The following FAM222A variants were observed in gnomAD, a reference collection of about 807,000 sequenced individuals.
FAM222A encodes family with sequence similarity 222 member A, also known as protein FAM222A.
In FAM222A, 7 loss-of-function variants were observed where a neutral mutation model predicts 25.8. That is an observed-to-expected ratio of 0.27 (90% CI 0.15 to 0.51). The LOEUF is 0.51. FAM222A is among the 20% of genes least tolerant of loss of function. The pLI is 0.97. For missense variants in FAM222A, 573 were observed against 640.5 expected (o/e 0.89, Z 1.14); for synonymous variants, 294 against 298.8 (o/e 0.98, Z 0.17).
At position 109,714,166 on chromosome 12, in the gene FAM222A, G is replaced by GC; in HGVS notation, c.-773dup. On this transcript the variant is annotated 5_prime_UTR_variant, in exon 1 of 3. Transcript: ENST00000538780. The surrounding 1 kb of genome is among the most constrained non-coding windows in gnomAD (Gnocchi z 4.2). ...GGATCGGCTGTTTCTCAGCGCCGAG[G>GC]CCCCCGAGGCTGCATCCGAGCTTGC... The GC allele has an allele frequency of 5.4e-6, 1 of 185,514 alleles. No homozygotes were observed. Among genetic ancestry groups the GC allele is most frequent in the Non-Finnish European group, 1.1e-5 (1 of 90,038 alleles). The allele number at this position is 185,514 out of a possible 1,614,324, so 11.5% of individuals were successfully genotyped here. A position where few individuals can be genotyped will look rare whatever the true frequency, so the allele number is the denominator to read the frequency against.
intron 1 of FAM222A, chr12:109,720,143 C>G (rs1887721140): frequency 6.1e-6 from 6 of 985,460 alleles, no homozygotes; most frequent in Non-Finnish European, 7.2e-6. Flanking sequence ...TGGGCCAGTC[C>G]TGGCCCCACA....
chr12:109,747,152 G>A (rs1234119506), intron 2 of FAM222A, among the ~76,000 whole-genome samples: 1 of 152,170 alleles, frequency 6.6e-6, no homozygotes, highest in Non-Finnish European at 1.5e-5. Context: ...GGAGTGCAGT[G>A]GCACGATCTT....
At chr12:109,750,804 G>A (rs1173027465) in intron 2 of FAM222A, among the ~76,000 whole-genome samples, 1 of 151,506 alleles carries the variant, frequency 6.6e-6, no homozygotes, top group Non-Finnish European at 1.5e-5. Context: ...CCTGGTTCAC[G>A]TTGTTTGCTT....
chr12:109,721,552 C>G (rs1401305783), intron 1 of FAM222A, among the ~76,000 whole-genome samples: 1 of 152,212 alleles, frequency 6.6e-6, no homozygotes, highest in Non-Finnish European at 1.5e-5. Flanking sequence ...GCCAATCAAT[C>G]AGCAGGGCCT....
chr12:109,761,104 T>C (rs1175438737), intron 2 of FAM222A, among the ~76,000 whole-genome samples: 1 of 152,004 alleles, frequency 6.6e-6, no homozygotes, highest in Non-Finnish European at 1.5e-5. Flanking sequence ...CAAGGGAAAA[T>C]GAAAGCTCAG....
intron 2 of FAM222A, among the ~76,000 whole-genome samples, chr12:109,756,396 T>C (rs1474309778): frequency 1.4e-5 from 2 of 143,334 alleles, no homozygotes; most frequent in Non-Finnish European, 3.0e-5. Context: ...TGAATGCTTT[T>C]TTTTTTTTTT....
At chr12:109,747,443 C>T (rs1185176048) in intron 2 of FAM222A, among the ~76,000 whole-genome samples, 3 of 152,144 alleles carry the variant, frequency 2.0e-5, no homozygotes, top group African/African-American at 7.2e-5. Context: ...CTTGTTCTCC[C>T]CCTCTACCCA....
chr12:109,738,600 A>G (rs1371707845), intron 1 of FAM222A, among the ~76,000 whole-genome samples: 1 of 152,198 alleles, frequency 6.6e-6, no homozygotes, highest in Non-Finnish European at 1.5e-5. Context: ...CCTGAAAGGG[A>G]ATTCAGAGTC....
intron 2 of FAM222A, among the ~76,000 whole-genome samples, chr12:109,756,660 T>A (rs905780467): frequency 6.6e-6 from 1 of 152,228 alleles, no homozygotes; most frequent in Non-Finnish European, 1.5e-5. Flanking sequence ...TTAATTGATT[T>A]TTGGATGTTG....
intron 1 of FAM222A, chr12:109,720,147 C>G (rs1887721224): frequency 1.0e-6 from 1 of 985,290 alleles, no homozygotes. Flanking sequence ...CCAGTCCTGG[C>G]CCCACAGCAA....
chr12:109,725,452 T>G (rs1887822940), intron 1 of FAM222A, among the ~76,000 whole-genome samples: 1 of 29,038 alleles, frequency 3.4e-5, no homozygotes. Context: ...CTCCCCTAGG[T>G]CTGCACCCTG....
At chr12:109,743,926 G>T (rs1888314778) in intron 1 of FAM222A, 175 bp from the exon 2 acceptor site, 1 of 985,410 alleles carries the variant, frequency 1.0e-6, no homozygotes, top group African/African-American at 1.7e-5. Flanking sequence ...GGCCACAGAT[G>T]GGCCTCTTGA....
intron 1 of FAM222A, among the ~76,000 whole-genome samples, chr12:109,716,382 G>A (rs1035882290): frequency 2.0e-5 from 3 of 152,214 alleles, no homozygotes; most frequent in Non-Finnish European, 4.4e-5. Flanking sequence ...GAGAAAGTGT[G>A]TGTTCGGGTC....
chr12:109,762,625 C>T (rs1222911241), intron 2 of FAM222A, among the ~76,000 whole-genome samples: 1 of 152,196 alleles, frequency 6.6e-6, no homozygotes, highest in Non-Finnish European at 1.5e-5. Flanking sequence ...TGCAATTGCA[C>T]TAAACACTCG....
intron 1 of FAM222A, among the ~76,000 whole-genome samples, chr12:109,723,889 G>A (rs763647206): frequency 2.0e-5 from 3 of 152,144 alleles, no homozygotes; most frequent in Non-Finnish European, 4.4e-5. Flanking sequence ...ATTGCAAACA[G>A]TTTTTACGGA....
chr12:109,724,276 T>A lies in FAM222A; in HGVS notation c.-47+9379T>A, dbSNP rs187651952. 1.1e-4 allele frequency among the ~76,000 whole-genome samples: 17 copies of A among 152,366 alleles called. No individual in the cohort carries two copies. The East Asian group carries it at 3.1e-3, about 28-fold the overall frequency. On this transcript the variant is annotated intron_variant, in intron 1 of 2. Transcript: ENST00000538780. ...CCAGCTACCTGGCTGACACTATGCA[T>A]GGCCTGTGAGACAGGGCTTGGTGTG...
chr12:109,720,283 G>A (rs1225323505), intron 1 of FAM222A: 5 of 684,684 alleles, frequency 7.3e-6, no homozygotes, highest in South Asian at 6.5e-5. Context: ...ACAGGCTCCC[G>A]GGGATGGGGA....
At chr12:109,743,226 C>G (rs1888292686) in intron 1 of FAM222A, among the ~76,000 whole-genome samples, 1 of 152,150 alleles carries the variant, frequency 6.6e-6, no homozygotes, top group Non-Finnish European at 1.5e-5. Context: ...ACAGGCAGGC[C>G]CACTCTGACC....
At chr12:109,728,545 G>GA (rs1382152898) in intron 1 of FAM222A, among the ~76,000 whole-genome samples, 1 of 152,204 alleles carries the variant, frequency 6.6e-6, no homozygotes, top group East Asian at 1.9e-4. Flanking sequence ...AGCCACCTGG[G>GA]ATGGGCTTGC....
Sources: gnomAD v4.1 joint callset for allele counts (sites outside exome capture counted in the v4.1 genomes callset) on GRCh38, gnomAD v4.1.1 for gene constraint, Gnocchi (gnomAD v3.1) non-coding constraint, MANE v1.5 for transcripts, NCBI Gene and HGNC (gene_info 2026-07-23, HGNC 2026-07-21) for gene names.